Variants in UNC79 observed in about 807,000 individuals in gnomAD.
UNC79 encodes unc-79 subunit of NALCN channel complex.
In UNC79, 37 loss-of-function variants were observed where a neutral mutation model predicts 283.1. The observed-to-expected ratio is 0.13, with a 90% confidence interval of 0.10 to 0.17. The LOEUF (loss-of-function observed/expected upper bound fraction) is 0.17. Among genes scored for constraint, UNC79 ranks in the 10% least tolerant of loss-of-function variants. The pLI, the probability that UNC79 is intolerant of heterozygous loss-of-function variation, is 1.00. For missense variants in UNC79, 2,272 were observed against 3,211.1 expected, an observed-to-expected ratio of 0.71 and a Z score of 7.07; for synonymous variants, 1,107 against 1,200.2, an observed-to-expected ratio of 0.92 and a Z score of 1.61.
chr14:93,523,129 T>C (rs1350374437), intron 7 of UNC79, among the ~76,000 whole-genome samples: 1 of 152,188 alleles, frequency 6.6e-6, no homozygotes, highest in Non-Finnish European at 1.5e-5. Context: ...CTTACATGTT[T>C]TTAATGATGG....
chr14:93,438,719 A>G (rs937069171), intron 1 of UNC79, among the ~76,000 whole-genome samples: 1 of 151,780 alleles, frequency 6.6e-6, no homozygotes, highest in Non-Finnish European at 1.5e-5. Context: ...TTCTTCCAAA[A>G]TAATTTTATA....
intron 5 of UNC79, among the ~76,000 whole-genome samples, chr14:93,493,874 C>CATATATAT (rs140201851): frequency 4.3e-4 from 33 of 76,688 alleles, no homozygotes; most frequent in East Asian, 1.3e-3. Context: ...GGAAGTGCCA[C>CATATATAT]ATATATATAT....
rs185169754 is a variant in UNC79, at chr14:93,361,070, C to T, written c.-351+27547C>T. ...CTCTACTAAAAATACAAAAATTACC[C>T]GGGCATGGTGGTACACGCCTGTAAT... On this transcript the variant is annotated intron_variant, in intron 1 of 49. Coordinates refer to the UNC79 transcript ENST00000256339. 2.3e-3 allele frequency among the ~76,000 whole-genome samples: 347 copies of T among 151,786 alleles called. 1 individual carries two copies. Among genetic ancestry groups the T allele is most frequent in the Middle Eastern group, 6.8e-3 (2 of 294 alleles).
chr14:93,376,413 A>G (rs2054559511), intron 1 of UNC79, among the ~76,000 whole-genome samples: 1 of 152,180 alleles, frequency 6.6e-6, no homozygotes, highest in African/African-American at 2.4e-5. Flanking sequence ...CCAGGGTAGA[A>G]TAGAACTGGT....
intron 1 of UNC79, among the ~76,000 whole-genome samples, chr14:93,453,131 C>T (rs1014408206): frequency 2.6e-5 from 4 of 152,224 alleles, no homozygotes; most frequent in Non-Finnish European, 4.4e-5. Flanking sequence ...AGGTTTTCCA[C>T]ATAGCCAGAC....
Position 93,620,752 on chromosome 14 carries a change from C to T in UNC79, c.4388-869C>T, listed in dbSNP as rs547298518. On this transcript the variant is annotated intron_variant, in intron 29 of 48. Transcript: ENST00000555664. ...AGAATTTGATGCCTGGATGAAATAC[C>T]AACCCATGGCTAGACTTGGGCTGGT... The T allele has an allele frequency of 2.6e-5, 7 of 266,354 alleles. No individual in the cohort carries two copies. In the South Asian group the frequency reaches 3.0e-4, roughly 11 times the overall value. 16.5% of individuals were successfully genotyped at this position (266,354 alleles called of 1,614,324 possible). A position where few individuals can be genotyped will look rare whatever the true frequency, so the allele number is the denominator to read the frequency against.
rs563034515 is a variant in UNC79, at chr14:93,463,406, G to T, written c.23-4265G>T. 2.0e-5 allele frequency among the ~76,000 whole-genome samples: 3 copies of T among 152,292 alleles called. No individual in the cohort carries two copies. The East Asian group carries it at 5.8e-4, about 29-fold the overall frequency. ...GTGTGCAAGACTCTTCATCATCTTG[G>T]CTCTGAAGGCAGAGGACTGTCGCTG... On this transcript the variant is annotated intron_variant, in intron 1 of 48. Coordinates refer to ENST00000555664, the Ensembl canonical transcript of UNC79.
At chr14:93,537,931 C>G (rs1451650915) in intron 11 of UNC79, 58 bp from the exon 12 acceptor site, 19 of 1,527,776 alleles carry the variant, frequency 1.2e-5, no homozygotes, top group Non-Finnish European at 1.5e-5. Flanking sequence ...TATTCTGATT[C>G]TTAGCCAAGT....
chr14:93,356,641 G>T (rs2054091454), intron 1 of UNC79, among the ~76,000 whole-genome samples: 1 of 152,200 alleles, frequency 6.6e-6, no homozygotes, highest in Non-Finnish European at 1.5e-5. Context: ...TAGATGAGCA[G>T]AAATAACTGG....
chr14:93,383,821 C>T (rs928220710), intron 1 of UNC79, among the ~76,000 whole-genome samples: 3 of 152,220 alleles, frequency 2.0e-5, no homozygotes, highest in African/African-American at 4.8e-5. Context: ...GATTGAATTA[C>T]GGGGCTGGGT....
At chr14:93,426,707 A>G (rs943559509), upstream of UNC79, among the ~76,000 whole-genome samples, 2 of 152,010 alleles carry the variant, frequency 1.3e-5, no homozygotes, top group African/African-American at 4.8e-5. Flanking sequence ...TAAAATTTCC[A>G]ATGGTTTTTT....
intron 7 of UNC79, among the ~76,000 whole-genome samples, chr14:93,505,448 C>G (rs2059486161): frequency 6.6e-6 from 1 of 152,084 alleles, no homozygotes; most frequent in South Asian, 2.1e-4. Context: ...GTGTTAAAAT[C>G]TACTTTGTCT....
At position 93,688,888 on chromosome 14, in the gene UNC79, A is replaced by G. The variant is rs749553911; in HGVS notation, c.7085+48A>G. 4.4e-5 allele frequency: 70 copies of G among 1,581,558 alleles called. 1 individual carries two copies. In the South Asian group the frequency reaches 7.4e-4, roughly 17 times the overall value. ...AATGAGGGTAAAGAAGGCAGGAGAC[A>G]CCCCTGAGTTTCCTCGGGCTCAGCT... On this transcript the variant is annotated intron_variant, in intron 44 of 48. Coordinates refer to ENST00000555664, the Ensembl canonical transcript of UNC79. The surrounding 1 kb of genome is among the most constrained non-coding windows in gnomAD (Gnocchi z 4.0).
chr14:93,641,303 C>T, intron 33 of UNC79, 56 bp downstream of exon 36: 1 of 1,518,454 alleles, frequency 6.6e-7, no homozygotes, highest in South Asian at 1.2e-5. Flanking sequence ...GTTTGGTTAC[C>T]ACAGTGGTGA....
At chr14:93,454,609 A>G (rs2056746133) in intron 1 of UNC79, among the ~76,000 whole-genome samples, 1 of 152,196 alleles carries the variant, frequency 6.6e-6, no homozygotes, top group South Asian at 2.1e-4. Flanking sequence ...TAATGTGGAA[A>G]TAATAGCAAT....
In UNC79 at chr14:93,621,320, C is replaced by A. The variant is rs76054924; in HGVS notation, c.4388-301C>A. On this transcript the variant is annotated intron_variant, in intron 29 of 48. Coordinates refer to ENST00000555664, the Ensembl canonical transcript of UNC79. This position sits in a 1 kb window ranked among gnomAD's most constrained non-coding sequence, Gnocchi z 4.8. ...ACGATTTGAATACAGTTTCCTAGATCTGCCTCAGCCAAAAAATGATCCCCT... is the reference window on the plus strand; with the variant it reads ...ACGATTTGAATACAGTTTCCTAGATATGCCTCAGCCAAAAAATGATCCCCT... Among the ~76,000 whole-genome samples the A allele has an allele frequency of 2.0e-4, 30 of 152,294 alleles. No homozygotes were observed. The East Asian group carries it at 5.6e-3, about 28-fold the overall frequency.
At chr14:93,679,937 A>G (rs1293708343) in intron 41 of UNC79, among the ~76,000 whole-genome samples, 2 of 151,982 alleles carry the variant, frequency 1.3e-5, no homozygotes, top group Non-Finnish European at 1.5e-5. Context: ...TTTTCAGTTT[A>G]TGGTTGGCAG....
intron 23 of UNC79, among the ~76,000 whole-genome samples, chr14:93,597,079 A>G (rs927133258): frequency 6.6e-6 from 1 of 152,238 alleles, no homozygotes; most frequent in Non-Finnish European, 1.5e-5. Flanking sequence ...GAGAAAGACC[A>G]TGAAAAAATT....
intron 27 of UNC79, among the ~76,000 whole-genome samples, chr14:93,615,720 CAAAAA>C (rs1158073507): frequency 0.027 from 626 of 23,146 alleles, 2 homozygotes; most frequent in African/African-American, 0.06. Flanking sequence ...GACTCCATCT[CAAAAA>C]AAAAAAAAAA....
Sources: gnomAD v4.1 joint callset for allele counts (sites outside exome capture counted in the v4.1 genomes callset) on GRCh38, gnomAD v4.1.1 for gene constraint, Gnocchi (gnomAD v3.1) non-coding constraint, MANE v1.5 for transcripts, NCBI Gene and HGNC (gene_info 2026-07-23, HGNC 2026-07-21) for gene names.